The following RGS7 variants were observed in gnomAD, a reference collection of about 807,000 sequenced individuals.
The protein encoded by RGS7 is regulator of G protein signaling 7.
RGS7 carries 27 observed loss-of-function variants against 81.1 expected under a neutral mutation model. The ratio of observed to expected loss-of-function variants is 0.33; its 90% CI spans 0.25 to 0.46. The LOEUF (loss-of-function observed/expected upper bound fraction) is 0.46, where lower values mean the gene tolerates loss of function less well. Among genes scored for constraint, RGS7 ranks in the 20% least tolerant of loss-of-function variants. The pLI is 1.00. For missense variants in RGS7, 396 were observed against 607.4 expected, an observed-to-expected ratio of 0.65 and a Z score of 3.66; for synonymous variants, 208 against 207.7, an observed-to-expected ratio of 1.00 and a Z score of -0.01.
intron 3 of RGS7, among the ~76,000 whole-genome samples, chr1:241,065,655 T>A (rs1468116080): frequency 6.6e-6 from 1 of 152,216 alleles, no homozygotes; most frequent in Non-Finnish European, 1.5e-5. Context: ...TTCTCCTCTC[T>A]ATATTACTTA....
chr1:241,079,464 G>A (rs1056502764), intron 3 of RGS7, among the ~76,000 whole-genome samples: 8 of 152,062 alleles, frequency 5.3e-5, no homozygotes, highest in African/African-American at 1.7e-4. Context: ...GAAGAACAGA[G>A]TGCTAGGAAA....
chr1:241,196,301 A>C (rs1573078398), intron 2 of RGS7, among the ~76,000 whole-genome samples: 1 of 152,144 alleles, frequency 6.6e-6, no homozygotes, highest in Non-Finnish European at 1.5e-5. Flanking sequence ...TCACACAAAT[A>C]AGAACTGAAT....
At chr1:241,130,899 C>CA (rs2067035177) in intron 2 of RGS7, among the ~76,000 whole-genome samples, 1 of 69,904 alleles carries the variant, frequency 1.4e-5, no homozygotes, top group Non-Finnish European at 2.9e-5. Flanking sequence ...CAGTTAAATG[C>CA]AAAATAATAG....
intron 9 of RGS7, among the ~76,000 whole-genome samples, chr1:240,857,681 C>A (rs2147964421): frequency 6.6e-6 from 1 of 152,202 alleles, no homozygotes; most frequent in Admixed American, 6.5e-5. Context: ...CATTTAAAGT[C>A]CTTCCATGTC....
Position 241,164,250 on chromosome 1 carries a change from G to A in RGS7, c.79-65488C>T, listed in dbSNP as rs1451577078. Among the ~76,000 whole-genome samples, 1 of 144,444 alleles carries A rather than the reference G, an allele frequency of 6.9e-6. No homozygotes were observed. The highest frequency in any genetic ancestry group is 1.5e-5 in the Non-Finnish European group (1 of 66,696). 94.8% of individuals were successfully genotyped at this position (144,444 alleles called of 152,430 possible). ...GAACTGCCACATGTTCAGCTATCCA[G>A]AAGCTCTCAGAACCCTATCCTCTTT... On this transcript the variant is annotated intron_variant, in intron 2 of 18. Coordinates refer to ENST00000440928, the MANE Select transcript of RGS7 (RefSeq NM_001364886.1). This position sits in a 1 kb window ranked among gnomAD's most constrained non-coding sequence, Gnocchi z 4.1.
At chr1:241,080,204 G>A (rs1229217944) in intron 3 of RGS7, among the ~76,000 whole-genome samples, 1 of 151,446 alleles carries the variant, frequency 6.6e-6, no homozygotes, top group Non-Finnish European at 1.5e-5. Context: ...AAAGGATGAG[G>A]CATGAAAAAA....
intron 6 of RGS7, among the ~76,000 whole-genome samples, chr1:240,909,447 T>A (rs1345660726): frequency 1.3e-5 from 2 of 152,204 alleles, no homozygotes; most frequent in African/African-American, 2.4e-5. Flanking sequence ...ACTTTATTAT[T>A]ATCGCTAAGT....
At chr1:241,300,136 T>G (rs2079658530) in intron 2 of RGS7, among the ~76,000 whole-genome samples, 2 of 151,996 alleles carry the variant, frequency 1.3e-5, no homozygotes, top group Non-Finnish European at 2.9e-5. Flanking sequence ...GACAATTTTT[T>G]GGGCAGTTTT....
At chr1:240,961,943 AAGAG>A (rs891991217) in intron 4 of RGS7, among the ~76,000 whole-genome samples, 3 of 152,124 alleles carry the variant, frequency 2.0e-5, no homozygotes, top group African/African-American at 7.2e-5. Flanking sequence ...GGAAAATAAA[AAGAG>A]AGAGAAGAAA....
At chr1:240,807,061 C>T (rs1688973935) in intron 14 of RGS7, among the ~76,000 whole-genome samples, 2 of 152,046 alleles carry the variant, frequency 1.3e-5, no homozygotes, top group South Asian at 2.1e-4. Context: ...TCAGAAGCCA[C>T]GGAATAATAT....
At chr1:240,781,871 T>C (rs1684155370) in intron 18 of RGS7, among the ~76,000 whole-genome samples, 1 of 151,954 alleles carries the variant, frequency 6.6e-6, no homozygotes, top group South Asian at 2.1e-4. Flanking sequence ...AAAAATTAGC[T>C]GGGCATGGTG....
At chr1:240,899,240 T>C (rs1187517641) in intron 6 of RGS7, among the ~76,000 whole-genome samples, 3 of 152,200 alleles carry the variant, frequency 2.0e-5, no homozygotes, top group Non-Finnish European at 4.4e-5. Flanking sequence ...CTTTATCCAA[T>C]TTGCCAGCCT....
chr1:240,884,329 T>C lies in RGS7; in HGVS notation c.386-14210A>G, dbSNP rs182406544. Among the ~76,000 whole-genome samples, 11 of 152,250 alleles carry C rather than the reference T, an allele frequency of 7.2e-5. No homozygotes were observed. In the East Asian group the frequency reaches 1.9e-3, roughly 27 times the overall value. ...GTGGGTTGATCCATTGACAAAAAAA[T>C]GTGACCAGGGGCTTGCAGGAAACTT... On this transcript the variant is annotated intron_variant, in intron 6 of 18. Transcript: ENST00000440928.
intron 3 of RGS7, among the ~76,000 whole-genome samples, chr1:241,010,769 C>T (rs569237683): frequency 5.3e-5 from 8 of 152,170 alleles, no homozygotes; most frequent in African/African-American, 1.7e-4. Flanking sequence ...ATCAATGGGT[C>T]GCGTCTGGGA....
At chr1:241,075,004 C>T (rs905718562) in intron 3 of RGS7, among the ~76,000 whole-genome samples, 11 of 152,184 alleles carry the variant, frequency 7.2e-5, no homozygotes, top group African/African-American at 2.7e-4. Flanking sequence ...CCCCCCACAA[C>T]TCTTAGCATC....
chr1:240,852,708 A>C (rs976893634), intron 9 of RGS7, among the ~76,000 whole-genome samples: 1 of 152,192 alleles, frequency 6.6e-6, no homozygotes, highest in Non-Finnish European at 1.5e-5. Context: ...TCAGGGACCC[A>C]AGAATATAGA....
intron 4 of RGS7, among the ~76,000 whole-genome samples, chr1:240,942,016 T>G (rs1456123761): frequency 2.0e-5 from 3 of 152,094 alleles, no homozygotes; most frequent in Non-Finnish European, 2.9e-5. Context: ...TTTGTTTGGA[T>G]ATTCAAGCCA....
intron 2 of RGS7, among the ~76,000 whole-genome samples, chr1:241,276,163 C>T (rs2078184898): frequency 6.6e-6 from 1 of 152,086 alleles, no homozygotes; most frequent in Admixed American, 6.6e-5. Flanking sequence ...TGAGCTTTGT[C>T]CTAAAGAACC....
chr1:240,918,551 G>A (rs1354264051), intron 6 of RGS7, among the ~76,000 whole-genome samples: 1 of 151,996 alleles, frequency 6.6e-6, no homozygotes. Flanking sequence ...CAAGCTAAAT[G>A]AAAATGAAAA....
Sources: allele counts gnomAD v4.1 joint callset (sites outside exome capture counted in the v4.1 genomes callset), GRCh38; gene constraint gnomAD v4.1.1; non-coding constraint Gnocchi (gnomAD v3.1); transcripts MANE v1.5; gene names NCBI Gene and HGNC (gene_info 2026-07-23, HGNC 2026-07-21).